Variants in FHIP2A observed in about 807,000 individuals in gnomAD.
FHIP2A encodes family with sequence similarity 160 member B1.
FHIP2A carries 46 observed loss-of-function variants against 93.5 expected under a neutral mutation model. That is an observed-to-expected ratio of 0.49 (90% confidence interval 0.39 to 0.63). FHIP2A has a LOEUF of 0.63. FHIP2A is among the 20% of genes least tolerant of loss of function. FHIP2A has a pLI of 0.00. For missense variants in FHIP2A, 769 were observed against 909.7 expected (o/e 0.85, Z 1.99); for synonymous variants, 332 against 326.5 (o/e 1.02, Z -0.18).
chr10:114,836,000 G>C (rs2083634913), intron 4 of FHIP2A, 124 bp from the exon 5 acceptor site: 2 of 650,286 alleles, frequency 3.1e-6, no homozygotes, highest in East Asian at 5.4e-5. Context: ...TTAGTGTTCT[G>C]ATTAATGCAG....
chr10:114,898,379 T>C (rs563674393), intron 16 of FHIP2A, among the ~76,000 whole-genome samples: 1 of 152,322 alleles, frequency 6.6e-6, no homozygotes, highest in South Asian at 2.1e-4. Flanking sequence ...ATTCATACTC[T>C]TGCAAGTTTG....
At chr10:114,858,277 A>C (rs2083778465) in intron 14 of FHIP2A, among the ~76,000 whole-genome samples, 1 of 152,250 alleles carries the variant, frequency 6.6e-6, no homozygotes, top group Admixed American at 6.5e-5. Context: ...AGTACAGTGA[A>C]ACAAGTTTAT....
rs1343413197 is a variant in FHIP2A, at chr10:114,846,067, A to G, written c.1183A>G (p.Met395Val). 10 of 1,613,700 alleles carry G rather than the reference A, an allele frequency of 6.2e-6. No homozygotes were observed. The highest frequency in any genetic ancestry group is 4.5e-5 in the East Asian group (2 of 44,890). The part of the protein sequence containing the change: ...AVHERFFIGV[M>V]EPQLMQTSEM... ...TCATGAAAGATTTTTCATTGGTGTT[A>G]TGGAACCTCAATTAATGCAAACGTG... is the stretch of plus-strand genomic sequence containing the variant. Residue 395 changes from methionine (M) to valine (V), a missense_variant, in exon 9 of 17, where the codon ATG (methionine) becomes GTG (valine). Coordinates refer to ENST00000369248, the MANE Select transcript of FHIP2A (RefSeq NM_020940.4).
intron 14 of FHIP2A, among the ~76,000 whole-genome samples, chr10:114,858,360 C>T (rs540172528): frequency 6.6e-6 from 1 of 152,230 alleles, no homozygotes; most frequent in South Asian, 2.1e-4. Flanking sequence ...CTTAAGCAAC[C>T]TATGACCTAC....
chr10:114,826,041 C>T (rs1220518305), intron 1 of FHIP2A, among the ~76,000 whole-genome samples: 1 of 152,204 alleles, frequency 6.6e-6, no homozygotes, highest in East Asian at 1.9e-4. Context: ...ATCTCCTGTG[C>T]CCTGGAAATT....
intron 14 of FHIP2A, among the ~76,000 whole-genome samples, chr10:114,859,895 G>GTCA (rs2143013080): frequency 6.6e-6 from 1 of 152,220 alleles, no homozygotes; most frequent in African/African-American, 2.4e-5. Context: ...GCATAGGGTC[G>GTCA]TCATCAGTTC....
At chr10:114,897,504 A>T (rs993264137) in intron 16 of FHIP2A, among the ~76,000 whole-genome samples, 2 of 152,208 alleles carry the variant, frequency 1.3e-5, no homozygotes, top group Admixed American at 1.3e-4. Flanking sequence ...AAGCATTTCA[A>T]ACAGTATATA....
At chr10:114,882,838 G>A (rs1226950983) in intron 16 of FHIP2A, among the ~76,000 whole-genome samples, 1 of 150,568 alleles carries the variant, frequency 6.6e-6, no homozygotes, top group Non-Finnish European at 1.5e-5. Flanking sequence ...TCGTGCCACT[G>A]CACTCCATTC....
At chr10:114,875,122 C>A (rs1282281274) in intron 16 of FHIP2A, among the ~76,000 whole-genome samples, 4 of 152,180 alleles carry the variant, frequency 2.6e-5, no homozygotes, top group African/African-American at 9.7e-5. Context: ...GCAGGCCGCT[C>A]TGCAGCCCTG....
Position 114,843,917 on chromosome 10 carries a change from C to G in FHIP2A, c.993C>G (p.Thr331=). 4 of 1,574,108 alleles carry G rather than the reference C, an allele frequency of 2.5e-6. No individual in the cohort carries two copies. The highest frequency in any genetic ancestry group is 4.5e-5 in the East Asian group (2 of 44,084). The change falls in exon 7 of 17, where the codon ACC becomes ACG. Residue 331 remains threonine, a synonymous_variant. Coordinates refer to ENST00000369248, the MANE Select transcript of FHIP2A (RefSeq NM_020940.4). The part of the protein sequence containing the change: ...PQSVDPLDIE[T]VEAINWGLDS... ...CAGTGGATCCGTTAGATATTGAAAC[C>G]GTGGAAGCAATTAACTGGGGGTAAG...
At chr10:114,898,324 T>A (rs559975926) in intron 16 of FHIP2A, among the ~76,000 whole-genome samples, 1 of 152,306 alleles carries the variant, frequency 6.6e-6, no homozygotes, top group Non-Finnish European at 1.5e-5. Context: ...CACTTGCTCC[T>A]ATGGCACATA....
intron 5 of FHIP2A, among the ~76,000 whole-genome samples, chr10:114,839,374 A>G (rs2083654745): frequency 6.6e-6 from 1 of 151,892 alleles, no homozygotes; most frequent in Non-Finnish European, 1.5e-5. Context: ...TGATCCACCC[A>G]CCTCAGCCTC....
chr10:114,884,758 C>CA (rs1230161550), intron 16 of FHIP2A, among the ~76,000 whole-genome samples: 1 of 151,306 alleles, frequency 6.6e-6, no homozygotes, highest in Non-Finnish European at 1.5e-5. Flanking sequence ...ACTAAAAATA[C>CA]AAAAAATTAG....
chr10:114,860,082 T>C (rs939257400), intron 14 of FHIP2A, among the ~76,000 whole-genome samples: 4 of 152,228 alleles, frequency 2.6e-5, no homozygotes, highest in African/African-American at 7.2e-5. Context: ...TTTGGTCTTA[T>C]GCTCAATGGG....
intron 13 of FHIP2A, among the ~76,000 whole-genome samples, chr10:114,854,237 A>G (rs995407753): frequency 2.6e-5 from 4 of 151,758 alleles, no homozygotes; most frequent in African/African-American, 9.7e-5. Context: ...TCATGCCTGT[A>G]ATCCCAGCAC....
At chr10:114,829,726 T>G (rs979454793) in intron 1 of FHIP2A, among the ~76,000 whole-genome samples, 1 of 152,192 alleles carries the variant, frequency 6.6e-6, no homozygotes, top group South Asian at 2.1e-4. Context: ...AAGATGGAGT[T>G]GCTGTGGTTC....
chr10:114,875,850 AG>A, intron 16 of FHIP2A, among the ~76,000 whole-genome samples: 1 of 147,086 alleles, frequency 6.8e-6, no homozygotes, highest in Non-Finnish European at 1.5e-5. Flanking sequence ...AAAGAAAGAA[AG>A]AAAAAGAAAG....
At chr10:114,878,296 G>A (rs1158573581) in intron 16 of FHIP2A, among the ~76,000 whole-genome samples, 3 of 152,180 alleles carry the variant, frequency 2.0e-5, no homozygotes, top group Non-Finnish European at 2.9e-5. Context: ...CGGAGGATCA[G>A]TTTCACGCCC....
chr10:114,853,184 C>T (rs1230830844), intron 13 of FHIP2A, among the ~76,000 whole-genome samples: 1 of 152,014 alleles, frequency 6.6e-6, no homozygotes, highest in Non-Finnish European at 1.5e-5. Context: ...AAATATGTAG[C>T]TTAGAGCTTT....
Sources: allele counts gnomAD v4.1 joint callset (sites outside exome capture counted in the v4.1 genomes callset), GRCh38; gene constraint gnomAD v4.1.1; transcripts MANE v1.5; gene names NCBI Gene and HGNC (gene_info 2026-07-23, HGNC 2026-07-21).